Variants in MPO observed in about 807,000 individuals in gnomAD.
The protein encoded by MPO is myeloperoxidase.
A neutral mutation model predicts 69.4 loss-of-function variants in MPO; 57 were observed. The observed-to-expected ratio is 0.82, with a 90% CI of 0.66 to 1.02. The LOEUF (loss-of-function observed/expected upper bound fraction) is 1.02. Ranked by LOEUF, MPO falls within the 50% of genes least tolerant of loss-of-function variation. MPO has a pLI of 0.00. For missense variants in MPO, 971 were observed against 1,014.1 expected (o/e 0.96, Z 0.58); for synonymous variants, 426 against 417.1 (o/e 1.02, Z -0.26).
intron 6 of MPO, 161 bp downstream of exon 6, chr17:58,278,847 G>T: frequency 1.1e-6 from 1 of 887,408 alleles, no homozygotes; most frequent in Non-Finnish European, 1.8e-6. Context: ...GCAGGAAGGA[G>T]ACAGGTCATA....
intron 1 of MPO, 68 bp downstream of exon 1, chr17:58,280,537 T>G (rs1970505235): frequency 1.2e-6 from 2 of 1,613,880 alleles, no homozygotes; most frequent in Non-Finnish European, 1.7e-6. Flanking sequence ...AGGCCTGCTC[T>G]GAGAAAAGGG....
intron 7 of MPO, among the ~76,000 whole-genome samples, chr17:58,277,450 G>A (rs1161115499): frequency 1.3e-5 from 2 of 152,218 alleles, no homozygotes; most frequent in African/African-American, 2.4e-5. Flanking sequence ...ACATTGGATA[G>A]TGTCGCTCTA....
Position 58,277,928 on chromosome 17 carries a change from C to A in MPO, c.1103G>T (p.Arg368Leu). 6.2e-7 allele frequency: 1 copy of A among 1,612,770 alleles called. No individual in the cohort carries two copies. The highest frequency in any genetic ancestry group is 8.5e-7 in the Non-Finnish European group (1 of 1,180,028). The change falls in exon 7 of 12, where the codon CGC (arginine) becomes CTC (leucine). Residue 368 changes from arginine (R) to leucine (L), a missense_variant. Physicochemically the swap from Arg to Leu is moderately radical, Grantham distance 102. Coordinates refer to ENST00000225275, the MANE Select transcript of MPO (RefSeq NM_000250.2). ...NQLGLLAVNQ[R>L]FQDNGRALLP... The stretch of plus-strand genomic sequence containing the variant: ...CAGGGCCCGGCCGTTGTCTTGGAAG[C>A]GCTGGTTGACGGCCAGCAGCCCCAG...
chr17:58,273,821 G>A (rs934288707), intron 8 of MPO, 152 bp from the exon 9 acceptor site: 18 of 1,073,532 alleles, frequency 1.7e-5, no homozygotes, highest in African/African-American at 1.1e-4. Context: ...CCACAATACC[G>A]GACCTGGGCC....
chr17:58,277,185 T>A (rs1970448839), intron 7 of MPO, among the ~76,000 whole-genome samples: 1 of 152,038 alleles, frequency 6.6e-6, no homozygotes, highest in African/African-American at 2.4e-5. Flanking sequence ...AACTGCCAAT[T>A]GTTTACATTT....
At position 58,280,415 on chromosome 17, in the gene MPO, C is replaced by G. The variant is rs754224425; in HGVS notation, c.199G>C (p.Glu67Gln). Residue 67 changes from glutamate (E) to glutamine (Q), a missense_variant, in exon 2 of 12, where the codon GAG (glutamate) becomes CAG (glutamine). Physicochemically the swap from Glu to Gln is conservative, Grantham distance 29. Transcript: ENST00000225275. ...VDTSLVLSSM[E>Q]EAKQLVDKAY... is the part of the protein sequence containing the mutation. ...TTGTCCACCAGCTGCTTGGCCTCCT[C>G]CATGGAGCTCAGCACCAACGAGGTG... 6.2e-7 allele frequency: 1 copy of G among 1,614,032 alleles called. No individual in the cohort carries two copies. Among genetic ancestry groups the G allele is most frequent in the African/African-American group, 1.3e-5 (1 of 74,926 alleles).
In MPO at chr17:58,275,534, C is replaced by T. The variant is rs368833723; in HGVS notation, c.1365+8G>A. On this transcript the variant is annotated splice_region_variant and intron_variant, in intron 8 of 11. Coordinates refer to ENST00000225275, the MANE Select transcript of MPO (RefSeq NM_000250.2). The surrounding 1 kb of genome is among the most constrained non-coding windows in gnomAD (Gnocchi z 4.1). ...GATCCCGTGTGCCCGGTGTTCAAGACGGCCTACCTGGACCATGGCCCCCAC... is the reference window on the plus strand; with the variant it reads ...GATCCCGTGTGCCCGGTGTTCAAGATGGCCTACCTGGACCATGGCCCCCAC... 59 of 1,614,008 alleles carry T rather than the reference C, an allele frequency of 3.7e-5. 1 individual carries two copies. The highest frequency in any genetic ancestry group is 8.3e-5 in the Admixed American group (5 of 60,002).
At position 58,279,210 on chromosome 17, in the gene MPO, C is replaced by CGAGCCTG. The variant is rs1970479731; in HGVS notation, c.679-3_682dup (p.Arg228ProfsTer15). ...GCGCACGATCTCGTTGGAGACCGCGCGAGCCTGCGGGACACGGAGATCAGC... is the reference window on the plus strand; with the variant it reads ...GCGCACGATCTCGTTGGAGACCGCGCGAGCCTGGAGCCTGCGGGACACGGAGATCAGC... On this transcript the variant is annotated frameshift_variant, in exon 6 of 12. Coordinates refer to ENST00000225275, the MANE Select transcript of MPO (RefSeq NM_000250.2). LOFTEE classifies it high-confidence loss of function. 6.2e-7 allele frequency: 1 copy of CGAGCCTG among 1,600,098 alleles called. No homozygotes were observed. The highest frequency in any genetic ancestry group is 8.5e-7 in the Non-Finnish European group (1 of 1,173,850).
At chr17:58,280,036 G>C in intron 2 of MPO, 22 bp from the exon 3 acceptor site, 2 of 1,610,784 alleles carry the variant, frequency 1.2e-6, no homozygotes, top group Non-Finnish European at 1.7e-6. Context: ...AAGGAGGAGT[G>C]AGGGCCAGAG....
At chr17:58,271,564 C>T in intron 11 of MPO, 91 bp downstream of exon 11, 4 of 1,273,788 alleles carry the variant, frequency 3.1e-6, no homozygotes, top group Non-Finnish European at 4.5e-6. Context: ...TCCCTCCAGT[C>T]CTTCAACTGA....
At position 58,275,545 on chromosome 17, in the gene MPO, G is replaced by A; in HGVS notation, c.1362C>T (p.Val454=). The stretch of plus-strand genomic sequence containing the variant: ...CCCGGTGTTCAAGACGGCCTACCTG[G>A]ACCATGGCCCCCACGATCTTCCGGG... ...QEARKIVGAM[V]QIITYRDYLP... The change falls in exon 8 of 12, where the codon GTC becomes GTT. Residue 454 remains valine (V), a synonymous_variant. Coordinates refer to ENST00000225275, the MANE Select transcript of MPO (RefSeq NM_000250.2). This position sits in a 1 kb window ranked among gnomAD's most constrained non-coding sequence, Gnocchi z 4.1. 2 of 1,614,112 alleles carry A rather than the reference G, an allele frequency of 1.2e-6. No homozygotes were observed. The highest frequency in any genetic ancestry group is 1.7e-6 in the Non-Finnish European group (2 of 1,180,010).
In MPO at chr17:58,272,925, A is replaced by G. The variant is rs771235998; in HGVS notation, c.1622-7T>C. ...AGGATGGGGTCAATGCCACCTGGGG[A>G]CCAGAGGAGCCAGGTCAGGGGAAGT... is the stretch of plus-strand genomic sequence containing the variant. On this transcript the variant is annotated splice_region_variant and splice_polypyrimidine_tract_variant and intron_variant, in intron 9 of 11. Transcript: ENST00000225275. 2 of 1,613,802 alleles carry G rather than the reference A, an allele frequency of 1.2e-6. No individual in the cohort carries two copies. The highest frequency in any genetic ancestry group is 1.7e-6 in the Non-Finnish European group (2 of 1,180,008).
In MPO at chr17:58,277,928, C is replaced by T. The variant is rs773687000; in HGVS notation, c.1103G>A (p.Arg368His). ...NQLGLLAVNQ[R>H]FQDNGRALLP... ...CAGGGCCCGGCCGTTGTCTTGGAAGCGCTGGTTGACGGCCAGCAGCCCCAG... is the reference window on the plus strand; with the variant it reads ...CAGGGCCCGGCCGTTGTCTTGGAAGTGCTGGTTGACGGCCAGCAGCCCCAG... The change falls in exon 7 of 12, where the codon CGC becomes CAC. Residue 368 changes from arginine (R) to histidine (H), a missense_variant. Physicochemically the swap from Arg to His is conservative, Grantham distance 29 (BLOSUM62 0). Transcript: ENST00000225275. 9 of 1,612,652 alleles carry T rather than the reference C, an allele frequency of 5.6e-6. No individual in the cohort carries two copies. The highest frequency in any genetic ancestry group is 8.5e-7 in the Non-Finnish European group (1 of 1,180,036).
chr17:58,279,141 A>G lies in MPO; in HGVS notation c.752T>C (p.Met251Thr), dbSNP rs56378716. Residue 251 changes from methionine (M) to threonine (T), a missense_variant, in exon 6 of 12, where the codon ATG becomes ACG. Physicochemically the swap from Met to Thr is moderately conservative, Grantham distance 81 (BLOSUM62 -1). Transcript: ENST00000225275. The stretch of plus-strand genomic sequence containing the variant: ...CAACAGCTGGCCCCATTGCATGAAC[A>G]TGAGTGAGCGCTCCTGGTCCGGAGT... The part of the protein sequence containing the change: ...QLTPDQERSL[M>T]FMQWGQLLDH... 18,481 of 1,612,960 alleles carry G rather than the reference A, an allele frequency of 0.011. 147 individuals are homozygous for G. Among genetic ancestry groups the G allele is most frequent in the Non-Finnish European group, 0.013 (14,901 of 1,179,528 alleles).
chr17:58,270,932 G>A lies in MPO; in HGVS notation c.2031-69C>T, dbSNP rs1182198360. On this transcript the variant is annotated intron_variant, in intron 11 of 11. Transcript: ENST00000225275. The surrounding 1 kb of genome is among the most constrained non-coding windows in gnomAD (Gnocchi z 4.1). ...GGGCTGGCAGGGCATCGATGGGCTT[G>A]TGCTGCTCCCAGGATATAACAAAGC... 2.6e-6 allele frequency: 4 copies of A among 1,551,506 alleles called. No homozygotes were observed. The highest frequency in any genetic ancestry group is 3.6e-6 in the Non-Finnish European group (4 of 1,126,372).
chr17:58,276,116 G>T (rs1489711875), intron 7 of MPO, among the ~76,000 whole-genome samples: 1 of 152,208 alleles, frequency 6.6e-6, no homozygotes, highest in Non-Finnish European at 1.5e-5. Flanking sequence ...TATGAACACT[G>T]CTTGGTTCAT....
chr17:58,279,559 T>C lies in MPO; in HGVS notation c.512A>G (p.Asp171Gly), dbSNP rs1183438309. Reference sequence around the variant, plus strand: ...CATCCCGGTGATGGTGCGGTATTTGTCCTGCTCCGGGCAAGTCACCCCCAC... The same window carrying C: ...CATCCCGGTGATGGTGCGGTATTTGCCCTGCTCCGGGCAAGTCACCCCCAC... ...QDVGVTCPEQ[D>G]KYRTITGMCN... Residue 171 changes from aspartate (D) to glycine (G), a missense_variant, in exon 4 of 12, where the codon GAC becomes GGC. Coordinates refer to ENST00000225275, the MANE Select transcript of MPO (RefSeq NM_000250.2). The C allele has an allele frequency of 1.7e-5, 27 of 1,614,002 alleles. No homozygotes were observed. The highest frequency in any genetic ancestry group is 2.3e-5 in the Non-Finnish European group (27 of 1,180,044).
At chr17:58,274,225 GTCTCACTCTACAT>G in intron 8 of MPO, 1 of 490,708 alleles carries the variant, frequency 2.0e-6, no homozygotes, top group South Asian at 1.5e-5. Flanking sequence ...ACATGGAATA[GTCTCACTCTACAT>G]TCTAGAGTCT....
Position 58,278,132 on chromosome 17 carries a change from T to C in MPO, c.899A>G (p.Asp300Gly). ...GTCGGCTTGGTTCTTGATGCGGGGG[T>C]CATTGGGCGGGATCTGAGGCACAGA... Reference protein sequence around the residue: ...PCFPLKIPPNDPRIKNQADCI... With the variant: ...PCFPLKIPPNGPRIKNQADCI... Residue 300 changes from aspartate to glycine, a missense_variant, in exon 7 of 12, where the codon GAC becomes GGC. Asp to Gly is a moderately conservative substitution (Grantham distance 94). Coordinates refer to ENST00000225275, the MANE Select transcript of MPO (RefSeq NM_000250.2). The C allele has an allele frequency of 6.2e-7, 1 of 1,600,018 alleles. No individual in the cohort carries two copies. The highest frequency in any genetic ancestry group is 2.2e-5 in the East Asian group (1 of 44,830).
Sources: allele counts gnomAD v4.1 joint callset (sites outside exome capture counted in the v4.1 genomes callset), GRCh38; gene constraint gnomAD v4.1.1; non-coding constraint Gnocchi (gnomAD v3.1); transcripts MANE v1.5; gene names NCBI Gene and HGNC (gene_info 2026-07-23, HGNC 2026-07-21).